The following SIPA1L1 variants were observed in gnomAD, a reference collection of about 807,000 sequenced individuals.
SIPA1L1 encodes the protein signal induced proliferation associated 1 like 1.
SIPA1L1 carries 26 observed loss-of-function variants against 162.7 expected under a neutral mutation model. That is an observed-to-expected ratio of 0.16 (90% CI 0.12 to 0.22). SIPA1L1 has a LOEUF of 0.22. SIPA1L1 is among the 10% of genes least tolerant of loss of function. The probability of loss-of-function intolerance (pLI) is 1.00; values close to 1 mark genes in which losing one functional copy is unlikely to be tolerated. For missense variants in SIPA1L1, 1,874 were observed against 2,241.0 expected (o/e 0.84, Z 3.31); for synonymous variants, 829 against 837.4 (o/e 0.99, Z 0.17).
At chr14:71,430,402 T>G (rs1307551284) in intron 2 of SIPA1L1, among the ~76,000 whole-genome samples, 1 of 152,250 alleles carries the variant, frequency 6.6e-6, no homozygotes. Flanking sequence ...ATGCCACTTC[T>G]TTCTCCACAA....
chr14:71,532,149 T>C (rs1417358691), intron 4 of SIPA1L1, among the ~76,000 whole-genome samples: 1 of 152,232 alleles, frequency 6.6e-6, no homozygotes, highest in African/African-American at 2.4e-5. Context: ...TTAACATCTT[T>C]TGTTGAAATT....
chr14:71,553,068 G>A (rs1186669615), intron 4 of SIPA1L1, among the ~76,000 whole-genome samples: 2 of 152,166 alleles, frequency 1.3e-5, no homozygotes, highest in African/African-American at 4.8e-5. Context: ...CTGGAGGGCA[G>A]AGTCTCCCCT....
At chr14:71,543,984 TG>T (rs762160560) in intron 4 of SIPA1L1, among the ~76,000 whole-genome samples, 4 of 150,096 alleles carry the variant, frequency 2.7e-5, no homozygotes, top group Non-Finnish European at 5.9e-5. Flanking sequence ...CACACGCACA[TG>T]TATATATACA....
rs141905323 is a variant in SIPA1L1, at chr14:71,730,132, G to C, written c.4692G>C (p.Ser1564=). ...GGCGGGCCTTGCACAGAACACTGTC[G>C]GACGAGAGCATTTACAATAGCCAGA... ...TSRRALHRTL[S]DESIYNSQRE... is the part of the protein sequence containing the mutation. Residue 1564 remains serine (S), a synonymous_variant, in exon 20 of 24, where the codon TCG becomes TCC. Transcript: ENST00000381232. 1.9e-6 allele frequency: 3 copies of C among 1,613,964 alleles called. No individual in the cohort carries two copies. The highest frequency in any genetic ancestry group is 2.5e-6 in the Non-Finnish European group (3 of 1,180,012).
intron 2 of SIPA1L1, among the ~76,000 whole-genome samples, chr14:71,464,125 T>C (rs2046808670): frequency 6.6e-6 from 1 of 152,190 alleles, no homozygotes; most frequent in Admixed American, 6.5e-5. Context: ...TGGTCAAGGG[T>C]ATATCTTCTG....
chr14:71,370,718 T>C (rs931027592), intron 2 of SIPA1L1, among the ~76,000 whole-genome samples: 11 of 152,148 alleles, frequency 7.2e-5, no homozygotes, highest in Admixed American at 6.6e-4. Context: ...GAGGCCAACT[T>C]GCGTGCCCAA....
intron 20 of SIPA1L1, among the ~76,000 whole-genome samples, chr14:71,730,580 A>T (rs2084676052): frequency 1.3e-5 from 2 of 152,274 alleles, no homozygotes; most frequent in Middle Eastern, 3.4e-3. Flanking sequence ...ATTCTTAGCA[A>T]CCATGCCAGC....
intron 2 of SIPA1L1, among the ~76,000 whole-genome samples, chr14:71,408,315 A>G (rs1036092702): frequency 6.6e-6 from 1 of 152,186 alleles, no homozygotes; most frequent in Non-Finnish European, 1.5e-5. Context: ...GAATTCTTCA[A>G]AGAGACTCAA....
intron 10 of SIPA1L1, among the ~76,000 whole-genome samples, chr14:71,666,889 A>AG (rs969173844): frequency 1.3e-5 from 2 of 151,568 alleles, no homozygotes; most frequent in Non-Finnish European, 2.9e-5. Flanking sequence ...AAAAAAAAAA[A>AG]AGAATTTGCA....
intron 7 of SIPA1L1, among the ~76,000 whole-genome samples, chr14:71,644,619 T>A (rs906359891): frequency 7.2e-5 from 11 of 152,264 alleles, no homozygotes; most frequent in Non-Finnish European, 1.5e-4. Context: ...ATGGAGATTT[T>A]ATAAGTGTTT....
intron 4 of SIPA1L1, among the ~76,000 whole-genome samples, chr14:71,585,510 A>G (rs920609286): frequency 6.6e-6 from 1 of 152,192 alleles, no homozygotes; most frequent in Non-Finnish European, 1.5e-5. Flanking sequence ...TTTCCAAGTC[A>G]GTTTTATTTC....
intron 10 of SIPA1L1, among the ~76,000 whole-genome samples, chr14:71,668,283 A>G (rs1000045249): frequency 6.6e-6 from 1 of 152,156 alleles, no homozygotes. Context: ...GCACTTCCTC[A>G]GAGGGAGTAA....
intron 22 of SIPA1L1, among the ~76,000 whole-genome samples, chr14:71,736,570 G>A (rs1443982325): frequency 1.3e-5 from 2 of 152,200 alleles, no homozygotes; most frequent in Non-Finnish European, 2.9e-5. Context: ...CAACGAGAAG[G>A]CACAAGAATA....
At chr14:71,424,741 C>T (rs960248479) in intron 2 of SIPA1L1, among the ~76,000 whole-genome samples, 4 of 152,000 alleles carry the variant, frequency 2.6e-5, no homozygotes, top group African/African-American at 9.7e-5. Context: ...CTTGTAGTAT[C>T]TTCATCTGGT....
At chr14:71,473,487 G>T (rs1354763486) in intron 2 of SIPA1L1, among the ~76,000 whole-genome samples, 1 of 152,130 alleles carries the variant, frequency 6.6e-6, no homozygotes, top group Non-Finnish European at 1.5e-5. Flanking sequence ...TTTGAGCCCA[G>T]ATTTTCTGAT....
rs756056823 is a variant in SIPA1L1 at position 71,588,506 on chromosome 14, A to G, written c.634A>G (p.Ile212Val). The part of the protein sequence containing the change: ...LHREYGSTSS[I>V]DKQGTSGESF... ...CAGGGAATATGGTAGCACATCTTCA[A>G]TTGATAAACAGGGAACATCTGGAGA... Residue 212 changes from isoleucine to valine, a missense_variant, in exon 5 of 24, where the codon ATT (isoleucine) becomes GTT (valine). By Grantham distance (29) the Ile-to-Val change is conservative. Transcript: ENST00000381232. This position sits in a 1 kb window ranked among gnomAD's most constrained non-coding sequence, Gnocchi z 4.3. 16 of 1,614,168 alleles carry G rather than the reference A, an allele frequency of 9.9e-6. No homozygotes were observed. Among genetic ancestry groups the G allele is most frequent in the East Asian group, 2.2e-5 (1 of 44,882 alleles).
chr14:71,677,297 CT>C (rs1481017540), intron 12 of SIPA1L1, among the ~76,000 whole-genome samples: 2 of 152,182 alleles, frequency 1.3e-5, no homozygotes, highest in African/African-American at 4.8e-5. Flanking sequence ...TGTTCATATC[CT>C]TTGCCAAATT....
chr14:71,704,535 C>T (rs1458211320), intron 15 of SIPA1L1, among the ~76,000 whole-genome samples: 1 of 152,158 alleles, frequency 6.6e-6, no homozygotes, highest in Non-Finnish European at 1.5e-5. Context: ...TTTGCCCTGT[C>T]CTCTACATGT....
At chr14:71,390,436 T>A (rs1295205064) in intron 2 of SIPA1L1, among the ~76,000 whole-genome samples, 5 of 152,224 alleles carry the variant, frequency 3.3e-5, no homozygotes, top group Non-Finnish European at 7.3e-5. Context: ...TACATAGCTA[T>A]TCTTCAAAAA....
Sources: allele counts gnomAD v4.1 joint callset (sites outside exome capture counted in the v4.1 genomes callset), GRCh38; gene constraint gnomAD v4.1.1; non-coding constraint Gnocchi (gnomAD v3.1); transcripts MANE v1.5; gene names NCBI Gene and HGNC (gene_info 2026-07-23, HGNC 2026-07-21).